The following ADAMTSL1 variants were observed in gnomAD, a reference collection of about 807,000 sequenced individuals.
ADAMTSL1 encodes ADAMTS-like protein 1.
In ADAMTSL1, 126 loss-of-function variants were observed where a neutral mutation model predicts 201.8. The observed-to-expected ratio is 0.62, with a 90% CI of 0.54 to 0.72. The LOEUF (loss-of-function observed/expected upper bound fraction) is 0.72. Among genes scored for constraint, ADAMTSL1 ranks in the 30% least tolerant of loss-of-function variants. The probability of loss-of-function intolerance (pLI) is 0.00; values close to 1 mark genes in which losing one functional copy is unlikely to be tolerated. For synonymous variants in ADAMTSL1, 1,121 were observed against 903.4 expected (o/e 1.24, Z -4.32); for missense variants, 2,679 against 2,277.8 (o/e 1.18, Z -3.59).
chr9:18,298,423 C>G (rs1833559197), intron 2 of ADAMTSL1, among the ~76,000 whole-genome samples: 1 of 152,124 alleles, frequency 6.6e-6, no homozygotes, highest in Non-Finnish European at 1.5e-5. Context: ...TGCTTTGAAT[C>G]CAGTAGCAGT....
intron 1 of ADAMTSL1, among the ~76,000 whole-genome samples, chr9:18,015,900 G>C (rs893113000): frequency 2.6e-5 from 4 of 152,030 alleles, no homozygotes; most frequent in African/African-American, 9.7e-5. Flanking sequence ...CTTCTCATCT[G>C]AGTATTGCCA....
At chr9:18,473,064 C>G (rs1409168433), upstream of ADAMTSL1, among the ~76,000 whole-genome samples, 1 of 152,194 alleles carries the variant, frequency 6.6e-6, no homozygotes, top group East Asian at 1.9e-4. Context: ...CTCATTAGCA[C>G]TTCCTTCAGG....
chr9:18,239,450 A>C (rs894957521), intron 2 of ADAMTSL1, among the ~76,000 whole-genome samples: 49 of 152,258 alleles, frequency 3.2e-4, no homozygotes, highest in African/African-American at 1.2e-3. Context: ...CAAGAAACCC[A>C]CTATCTGGCT....
chr9:18,492,201 A>G (rs1193312608), intron 1 of ADAMTSL1, among the ~76,000 whole-genome samples: 1 of 152,176 alleles, frequency 6.6e-6, no homozygotes, highest in Non-Finnish European at 1.5e-5. Context: ...TTGATATAGC[A>G]CATTATAATA....
intron 2 of ADAMTSL1, among the ~76,000 whole-genome samples, chr9:18,438,399 C>T (rs915105866): frequency 3.3e-5 from 5 of 152,128 alleles, no homozygotes; most frequent in Admixed American, 6.5e-5. Context: ...TTGCTAGGAA[C>T]CCAACACCGT....
intron 3 of ADAMTSL1, among the ~76,000 whole-genome samples, chr9:18,545,745 G>C (rs898891425): frequency 2.0e-5 from 3 of 152,166 alleles, no homozygotes; most frequent in African/African-American, 7.2e-5. Flanking sequence ...TAGTGAACCA[G>C]ATAGAAGCTT....
At chr9:18,081,586 A>G (rs1474875488) in intron 1 of ADAMTSL1, among the ~76,000 whole-genome samples, 3 of 152,148 alleles carry the variant, frequency 2.0e-5, no homozygotes, top group Non-Finnish European at 4.4e-5. Flanking sequence ...GCAGATTTCC[A>G]TGGGCCCAGT....
At chr9:18,085,193 TC>T (rs532420284) in intron 1 of ADAMTSL1, among the ~76,000 whole-genome samples, 22 of 152,098 alleles carry the variant, frequency 1.4e-4, no homozygotes, top group African/African-American at 5.1e-4. Context: ...ACTGTGTTTT[TC>T]CTGTGATTCA....
intron 1 of ADAMTSL1, among the ~76,000 whole-genome samples, chr9:18,025,314 T>G (rs1820646571): frequency 6.6e-6 from 1 of 151,968 alleles, no homozygotes. Flanking sequence ...AGGACTTAGT[T>G]ATAAATATTT....
intron 4 of ADAMTSL1, chr9:18,574,553 A>G: frequency 1.8e-6 from 1 of 545,106 alleles, no homozygotes; most frequent in East Asian, 2.9e-5. Flanking sequence ...AGACTTTGAA[A>G]TTATCCCCTG....
At chr9:17,955,471 C>T (rs1238959632) in intron 1 of ADAMTSL1, among the ~76,000 whole-genome samples, 1 of 152,168 alleles carries the variant, frequency 6.6e-6, no homozygotes, top group African/African-American at 2.4e-5. Flanking sequence ...CCCCCTTATC[C>T]ACTGTTTCAC....
chr9:18,520,137 A>G (rs1174343475), intron 2 of ADAMTSL1, among the ~76,000 whole-genome samples: 1 of 152,178 alleles, frequency 6.6e-6, no homozygotes, highest in African/African-American at 2.4e-5. Context: ...TTCAGCCTAT[A>G]ATATTCTCAT....
At chr9:18,105,235 T>C (rs1376506189) in intron 1 of ADAMTSL1, among the ~76,000 whole-genome samples, 3 of 152,162 alleles carry the variant, frequency 2.0e-5, no homozygotes, top group African/African-American at 7.2e-5. Flanking sequence ...TAACTTTCGG[T>C]GTCTCTATGA....
At chr9:18,222,325 C>G (rs548718681) in intron 2 of ADAMTSL1, among the ~76,000 whole-genome samples, 2 of 151,558 alleles carry the variant, frequency 1.3e-5, no homozygotes, top group Non-Finnish European at 3.0e-5. Context: ...TCTATTTTAT[C>G]TGTTACTTTT....
chr9:18,096,173 A>C (rs993038022), intron 1 of ADAMTSL1, among the ~76,000 whole-genome samples: 1 of 152,282 alleles, frequency 6.6e-6, no homozygotes, highest in African/African-American at 2.4e-5. Flanking sequence ...GGCATGTACT[A>C]CTTTTTTGGT....
chr9:18,716,743 T>C (rs1832967454), intron 14 of ADAMTSL1, among the ~76,000 whole-genome samples: 1 of 148,072 alleles, frequency 6.8e-6, no homozygotes, highest in African/African-American at 2.5e-5. Context: ...ACTGGGTATA[T>C]ACCCAAAGGA....
intron 3 of ADAMTSL1, among the ~76,000 whole-genome samples, chr9:18,536,065 A>G (rs1361535): frequency 6.6e-6 from 1 of 152,088 alleles, no homozygotes; most frequent in South Asian, 2.1e-4. Flanking sequence ...AGAATCTAGA[A>G]TCTTCAAATA....
At chr9:18,150,171 T>C (rs1264364479) in intron 1 of ADAMTSL1, among the ~76,000 whole-genome samples, 2 of 152,054 alleles carry the variant, frequency 1.3e-5, no homozygotes, top group Admixed American at 1.3e-4. Flanking sequence ...GCTGTCTGTT[T>C]CCACGGTTAT....
rs1424367830 is a variant in ADAMTSL1, at chr9:18,173,469, A to G, written c.207+9488A>G. Among the ~76,000 whole-genome samples, 4 of 152,130 alleles carry G rather than the reference A, an allele frequency of 2.6e-5. No homozygotes were observed. The East Asian group carries it at 7.7e-4, about 29-fold the overall frequency. ...TCTTTTTTTACACTTGACCTTTGGA[A>G]TTAACGAAAACCATTATCCTTTAAG... On this transcript the variant is annotated intron_variant, in intron 2 of 29. Transcript: ENST00000680146.
Sources: gnomAD v4.1 joint callset for allele counts (sites outside exome capture counted in the v4.1 genomes callset) on GRCh38, gnomAD v4.1.1 for gene constraint, MANE v1.5 for transcripts, NCBI Gene and HGNC (gene_info 2026-07-23, HGNC 2026-07-21) for gene names.